The following INTS14 variants were observed in gnomAD, a reference collection of about 807,000 sequenced individuals.
The protein encoded by INTS14 is UPF0464 protein C15orf44.
INTS14 carries 27 observed loss-of-function variants against 56.9 expected under a neutral mutation model. That is an observed-to-expected ratio of 0.47 (90% CI 0.35 to 0.65). INTS14 has a LOEUF of 0.65. Among genes scored for constraint, INTS14 ranks in the 30% least tolerant of loss-of-function variants. INTS14 has a pLI of 0.00. For synonymous variants in INTS14, 207 were observed against 236.2 expected, an observed-to-expected ratio of 0.88 and a Z score of 1.13; for missense variants, 517 against 632.2, an observed-to-expected ratio of 0.82 and a Z score of 1.95.
intron 9 of INTS14, among the ~76,000 whole-genome samples, chr15:65,588,180 TGGGGA>T (rs1199115380): frequency 6.6e-6 from 1 of 151,820 alleles, no homozygotes; most frequent in Admixed American, 6.6e-5. Context: ...TTCCAGCTAC[TGGGGA>T]GGCTGAGGCA....
rs577567759 is a variant in INTS14 at position 65,608,514 on chromosome 15, G to C, written c.-62-1072C>G. ...CATTTTGGTGCTCAAAAATAAAAAA[G>C]TTTACAGATACACAGACCTGCTCAT... On this transcript the variant is annotated intron_variant, in intron 1 of 11. Coordinates refer to ENST00000313182, the MANE Select transcript of INTS14 (RefSeq NM_001394796.1). Among the ~76,000 whole-genome samples the C allele has an allele frequency of 2.3e-3, 345 of 152,026 alleles. 2 individuals carry two copies. The highest frequency in any genetic ancestry group is 5.4e-3 in the South Asian group (26 of 4,828).
chr15:65,592,487 A>G (rs1051268540), intron 8 of INTS14, among the ~76,000 whole-genome samples: 2 of 152,220 alleles, frequency 1.3e-5, no homozygotes, highest in Admixed American at 1.3e-4. Flanking sequence ...CTCACAGGGA[A>G]GGAACACAGC....
rs568030934 is a variant in INTS14 at position 65,598,503 on chromosome 15, G to A, written c.606-40C>T. 7.6e-6 allele frequency: 12 copies of A among 1,578,824 alleles called. No individual in the cohort carries two copies. The South Asian group carries it at 1.1e-4, about 15-fold the overall frequency. On this transcript the variant is annotated intron_variant, in intron 5 of 11. Coordinates refer to ENST00000313182, the MANE Select transcript of INTS14 (RefSeq NM_001394796.1). The stretch of plus-strand genomic sequence containing the variant: ...TTAATAGTTATAGGAAGAGTAATAC[G>A]ATACATATGAAGTTAATTTTTCAGG...
chr15:65,581,305 G>A lies in INTS14; in HGVS notation c.1305+649C>T, dbSNP rs1452925105. On this transcript the variant is annotated intron_variant, in intron 11 of 11. Transcript: ENST00000313182. ...TGAGGCAGGAGAATTGTTTGAGCCC[G>A]CGAGGCGGAGGTTGCAGTGAGCTGA... Among the ~76,000 whole-genome samples the A allele has an allele frequency of 1.8e-4, 25 of 141,422 alleles. 2 individuals carry two copies. The highest frequency in any genetic ancestry group is 1.4e-3 in the Admixed American group (20 of 14,436). 92.8% of individuals were successfully genotyped at this position (141,422 alleles called of 152,430 possible).
In INTS14 at chr15:65,579,408, T is replaced by A; in HGVS notation, c.1557A>T (p.Ter519CysextTer2). ...AGAAGGAAAGCTCCAAAAGTCAGTT[T>A]CAAATTCTTTCAGTGCTGCTCCCAG... ...DFSGSSTERI[*>C] is the part of the protein sequence containing the mutation. The change falls in exon 12 of 12, where the codon TGA becomes TGT. Residue 519 changes from the stop codon to cysteine, a stop_lost. Coordinates refer to ENST00000313182, the MANE Select transcript of INTS14 (RefSeq NM_001394796.1). The A allele has an allele frequency of 4.4e-6, 7 of 1,605,090 alleles. No homozygotes were observed. Among genetic ancestry groups the A allele is most frequent in the Non-Finnish European group, 6.0e-6 (7 of 1,173,296 alleles).
intron 9 of INTS14, 138 bp downstream of exon 9, chr15:65,591,460 G>A (rs1024887449): frequency 1.7e-5 from 20 of 1,150,516 alleles, no homozygotes; most frequent in South Asian, 3.9e-5. Flanking sequence ...AGTTTTCACC[G>A]TACACATCCA....
At chr15:65,603,482 T>C (rs560639656) in intron 3 of INTS14, among the ~76,000 whole-genome samples, 29 of 152,210 alleles carry the variant, frequency 1.9e-4, no homozygotes, top group Admixed American at 1.0e-3. Context: ...GCAACTACAA[T>C]CTTATTTTTT....
At chr15:65,601,325 G>C (rs1213595188) in intron 3 of INTS14, among the ~76,000 whole-genome samples, 2 of 152,060 alleles carry the variant, frequency 1.3e-5, no homozygotes, top group African/African-American at 2.4e-5. Context: ...CCAGTAACTT[G>C]ATAACAATAG....
intron 10 of INTS14, among the ~76,000 whole-genome samples, chr15:65,582,419 A>C (rs2072659192): frequency 6.6e-6 from 1 of 152,192 alleles, no homozygotes; most frequent in South Asian, 2.1e-4. Flanking sequence ...AAACTAACTC[A>C]AAATGGATCA....
At chr15:65,581,718 T>C (rs1318013379) in intron 11 of INTS14, among the ~76,000 whole-genome samples, 1 of 152,178 alleles carries the variant, frequency 6.6e-6, no homozygotes, top group Non-Finnish European at 1.5e-5. Flanking sequence ...CAGTCATTCA[T>C]TCACAGCAGC....
At chr15:65,600,844 AT>A (rs2073407463) in intron 3 of INTS14, among the ~76,000 whole-genome samples, 1 of 152,190 alleles carries the variant, frequency 6.6e-6, no homozygotes, top group African/African-American at 2.4e-5. Flanking sequence ...CTAATAAAAT[AT>A]TTTTTAAAAG....
chr15:65,584,885 G>C lies in INTS14; in HGVS notation c.1124C>G (p.Ala375Gly). The change falls in exon 10 of 12, where the codon GCT (alanine) becomes GGT (glycine). Residue 375 changes from alanine to glycine, a missense_variant. Ala to Gly is a moderately conservative substitution (Grantham distance 60, BLOSUM62 0). Transcript: ENST00000313182. ...KMAQLGPISD[A>G]KENPYGEDDN... Reference sequence around the variant, plus strand: ...ATCCTCGCCATAAGGGTTTTCTTTAGCATCTTAAAAGAAAAGACATTCTTG... The same window carrying C: ...ATCCTCGCCATAAGGGTTTTCTTTACCATCTTAAAAGAAAAGACATTCTTG... The C allele has an allele frequency of 6.2e-7, 1 of 1,605,630 alleles. No homozygotes were observed. The highest frequency in any genetic ancestry group is 8.5e-7 in the Non-Finnish European group (1 of 1,176,468).
intron 3 of INTS14, among the ~76,000 whole-genome samples, chr15:65,604,917 T>C (rs1231833806): frequency 6.6e-6 from 1 of 152,168 alleles, no homozygotes; most frequent in Non-Finnish European, 1.5e-5. Flanking sequence ...AATAAGTCAA[T>C]TTACTAGGAG....
At chr15:65,600,652 C>T (rs1223992961) in intron 3 of INTS14, among the ~76,000 whole-genome samples, 4 of 144,078 alleles carry the variant, frequency 2.8e-5, no homozygotes, top group African/African-American at 5.3e-5. Flanking sequence ...AACCTGGCCC[C>T]GCAAAAAAAA....
intron 7 of INTS14, among the ~76,000 whole-genome samples, chr15:65,595,078 G>A (rs1205635506): frequency 6.6e-6 from 1 of 152,150 alleles, no homozygotes; most frequent in African/African-American, 2.4e-5. Context: ...TAATTTTAAG[G>A]GTAGAACTAG....
At chr15:65,579,932 G>C (rs1021711009) in intron 11 of INTS14, among the ~76,000 whole-genome samples, 6 of 152,168 alleles carry the variant, frequency 3.9e-5, no homozygotes, top group Non-Finnish European at 7.4e-5. Flanking sequence ...ACATGTGGTA[G>C]TCAGCACTTT....
chr15:65,581,361 CAGAGTG>C (rs1365552882), intron 11 of INTS14, among the ~76,000 whole-genome samples: 1 of 138,224 alleles, frequency 7.2e-6, no homozygotes, highest in Non-Finnish European at 1.6e-5. Context: ...GCCTGGCCGA[CAGAGTG>C]AGACTCTGTC....
At chr15:65,587,629 G>A (rs2072875301) in intron 9 of INTS14, among the ~76,000 whole-genome samples, 1 of 152,042 alleles carries the variant, frequency 6.6e-6, no homozygotes, top group Admixed American at 6.6e-5. Flanking sequence ...GGTGGGAGAT[G>A]GTGGTGTTAA....
At position 65,579,608 on chromosome 15, in the gene INTS14, G is replaced by C. The variant is rs1381779632; in HGVS notation, c.1357C>G (p.Leu453Val). 1 of 1,614,000 alleles carries C rather than the reference G, an allele frequency of 6.2e-7. No individual in the cohort carries two copies. Among genetic ancestry groups the C allele is most frequent in the Non-Finnish European group, 8.5e-7 (1 of 1,179,968 alleles). ...AALAFGFLDL[L>V]KGVADMLERE... ...TCCAGCATGTCAGCCACCCCTTTCAGCAGGTCCAGGAAACCAAAGGCTAGA... is the reference window on the plus strand; with the variant it reads ...TCCAGCATGTCAGCCACCCCTTTCACCAGGTCCAGGAAACCAAAGGCTAGA... The change falls in exon 12 of 12, where the codon CTG becomes GTG. Residue 453 changes from leucine (L) to valine (V), a missense_variant. Transcript: ENST00000313182.
Sources: gnomAD v4.1 joint callset for allele counts (sites outside exome capture counted in the v4.1 genomes callset) on GRCh38, gnomAD v4.1.1 for gene constraint, MANE v1.5 for transcripts, NCBI Gene and HGNC (gene_info 2026-07-23, HGNC 2026-07-21) for gene names.